TJP1: variants seen among roughly 807,000 people sequenced by gnomAD.
TJP1 encodes tight junction protein 1.
A neutral mutation model predicts 194.2 loss-of-function variants in TJP1; 43 were observed. The ratio of observed to expected loss-of-function variants is 0.22; its 90% CI spans 0.17 to 0.29. TJP1 has a LOEUF of 0.29. TJP1 is among the 10% of genes least tolerant of loss of function. The pLI, the probability that TJP1 is intolerant of heterozygous loss-of-function variation, is 1.00. For synonymous variants in TJP1, 801 were observed against 779.0 expected (o/e 1.03, Z -0.47); for missense variants, 1,971 against 2,185.7 (o/e 0.90, Z 1.96).
At chr15:29,777,221 T>A (rs1435180743) in intron 2 of TJP1, among the ~76,000 whole-genome samples, 2 of 152,206 alleles carry the variant, frequency 1.3e-5, no homozygotes, top group African/African-American at 4.8e-5. Context: ...AATTGTTCTT[T>A]TAATCTACGA....
At chr15:29,749,955 G>C (rs552460153) in intron 8 of TJP1, among the ~76,000 whole-genome samples, 32 of 151,736 alleles carry the variant, frequency 2.1e-4, no homozygotes, top group African/African-American at 7.7e-4. Context: ...TTATTCTCCT[G>C]TCTCAGCCTC....
intron 2 of TJP1, among the ~76,000 whole-genome samples, chr15:29,944,195 C>A (rs1361728036): frequency 2.6e-5 from 4 of 151,926 alleles, no homozygotes; most frequent in East Asian, 3.9e-4. Context: ...CGGGTTCATG[C>A]CACTCTCCTG....
At chr15:29,841,914 C>T (rs569866915) in intron 2 of TJP1, among the ~76,000 whole-genome samples, 9 of 152,208 alleles carry the variant, frequency 5.9e-5, no homozygotes, top group Admixed American at 2.0e-4. Context: ...ATAACTGGGG[C>T]TTTTTAAAGC....
intron 8 of TJP1, among the ~76,000 whole-genome samples, chr15:29,744,036 C>A (rs575098462): frequency 6.6e-6 from 1 of 151,832 alleles, no homozygotes; most frequent in African/African-American, 2.4e-5. Flanking sequence ...AAAATTAGCC[C>A]GGCGTGGTGG....
intron 10 of TJP1, among the ~76,000 whole-genome samples, chr15:29,739,277 T>C (rs2151317383): frequency 6.6e-6 from 1 of 152,298 alleles, no homozygotes; most frequent in East Asian, 1.9e-4. Context: ...CTGCCTGCAT[T>C]ATATTAACTA....
chr15:29,707,561 G>A (rs1480969053), intron 25 of TJP1, among the ~76,000 whole-genome samples: 1 of 152,120 alleles, frequency 6.6e-6, no homozygotes, highest in Non-Finnish European at 1.5e-5. Flanking sequence ...CTCCCTGCCT[G>A]CAAGTGCTTC....
At chr15:29,760,432 G>A (rs2045928713) in intron 8 of TJP1, 2 of 577,222 alleles carry the variant, frequency 3.5e-6, no homozygotes, top group East Asian at 3.0e-5. Flanking sequence ...CTGGAGTGCA[G>A]TGGTGCGATC....
intron 10 of TJP1, among the ~76,000 whole-genome samples, chr15:29,739,419 T>C (rs2044246805): frequency 1.3e-5 from 2 of 152,174 alleles, no homozygotes; most frequent in South Asian, 4.1e-4. Flanking sequence ...GTATTTGTTC[T>C]CCCAGGGAAG....
In TJP1 at chr15:29,719,762, C is replaced by G. The variant is rs936583068; in HGVS notation, c.3003+15G>C. On this transcript the variant is annotated intron_variant, in intron 20 of 27. Coordinates refer to ENST00000614355, the MANE Select transcript of TJP1 (RefSeq NM_001330239.4). ...TGGACAGCAACAAATTAGTGCAACA[C>G]CGCAGCACAGGTACCTTTGTTGGAT... The G allele has an allele frequency of 6.2e-6, 10 of 1,608,294 alleles. 1 individual carries two copies. In the South Asian group the frequency reaches 1.1e-4, roughly 18 times the overall value.
intron 2 of TJP1, among the ~76,000 whole-genome samples, chr15:29,858,495 A>C (rs1424754691): frequency 6.6e-6 from 1 of 152,206 alleles, no homozygotes; most frequent in Non-Finnish European, 1.5e-5. Context: ...GCACTGTTTA[A>C]GGCCATGTGG....
intron 2 of TJP1, among the ~76,000 whole-genome samples, chr15:29,863,962 C>G (rs536000736): frequency 8.0e-4 from 122 of 152,204 alleles, no homozygotes; most frequent in African/African-American, 2.9e-3. Flanking sequence ...TTCCAATTCT[C>G]TAGGAAGCAA....
In TJP1 at chr15:29,742,857, A is replaced by G. The variant is rs561271381; in HGVS notation, c.1011-76T>C. The G allele has an allele frequency of 2.0e-5, 26 of 1,313,752 alleles. No individual in the cohort carries two copies. In the African/African-American group the frequency reaches 2.5e-4, roughly 13 times the overall value. The allele number at this position is 1,313,752 out of a possible 1,614,324, so 81.4% of individuals were successfully genotyped here. ...GCATCTGTAAGAGAACAGTATAAGA[A>G]GAGGCAATGCAACTTCAAAAACAAT... On this transcript the variant is annotated intron_variant, in intron 8 of 27. Transcript: ENST00000614355.
intron 2 of TJP1, among the ~76,000 whole-genome samples, chr15:29,884,805 G>A (rs1247300162): frequency 6.6e-6 from 1 of 152,180 alleles, no homozygotes; most frequent in African/African-American, 2.4e-5. Context: ...CACCACAGGA[G>A]CAGGTTAACT....
intron 2 of TJP1, among the ~76,000 whole-genome samples, chr15:29,832,762 C>G (rs906383060): frequency 6.6e-6 from 1 of 152,196 alleles, no homozygotes; most frequent in African/African-American, 2.4e-5. Flanking sequence ...CTATGTAGAA[C>G]TTTTTTTCCT....
At chr15:29,868,752 C>T (rs1272982221) in intron 2 of TJP1, among the ~76,000 whole-genome samples, 2 of 152,086 alleles carry the variant, frequency 1.3e-5, no homozygotes, top group Admixed American at 6.5e-5. Context: ...GTTCTGGGGA[C>T]ATAAGAGAAA....
intron 2 of TJP1, among the ~76,000 whole-genome samples, chr15:29,796,578 G>A (rs1017436364): frequency 6.6e-6 from 1 of 152,190 alleles, no homozygotes; most frequent in Admixed American, 6.5e-5. Flanking sequence ...TTGTTAAAAT[G>A]TTAATTATCC....
chr15:29,823,055 AG>A (rs1221637920), upstream of TJP1: 30 of 152,578 alleles, frequency 2.0e-4, no homozygotes, highest in African/African-American at 6.5e-4. Context: ...GGGCACCCGG[AG>A]GCAGCAGCCT....
At chr15:29,855,493 G>C (rs184124778) in intron 2 of TJP1, among the ~76,000 whole-genome samples, 19 of 152,166 alleles carry the variant, frequency 1.2e-4, no homozygotes, top group African/African-American at 4.1e-4. Flanking sequence ...AAAATAGCAC[G>C]TGTAGCTCCA....
rs565683119 is a variant in TJP1, at chr15:29,700,453, TA to T, written c.*1141del. 1.1e-4 allele frequency: 45 copies of T among 398,398 alleles called. No homozygotes were observed. Among genetic ancestry groups the T allele is most frequent in the African/African-American group, 2.7e-4 (13 of 48,540 alleles). 24.7% of individuals were successfully genotyped at this position (398,398 alleles called of 1,614,324 possible). A position where few individuals can be genotyped will look rare whatever the true frequency, so the allele number is the denominator to read the frequency against. Reference sequence around the variant, plus strand: ...TAACAACTCTGTGCATCCTTTTTCTTAAAAAAAATGACCTTGCATGTGTCAT... The same window carrying T: ...TAACAACTCTGTGCATCCTTTTTCTTAAAAAAATGACCTTGCATGTGTCAT... On this transcript the variant is annotated 3_prime_UTR_variant, in exon 28 of 28. Coordinates refer to ENST00000614355, the MANE Select transcript of TJP1 (RefSeq NM_001330239.4).
Sources: allele counts gnomAD v4.1 joint callset (sites outside exome capture counted in the v4.1 genomes callset), GRCh38; gene constraint gnomAD v4.1.1; transcripts MANE v1.5; gene names NCBI Gene and HGNC (gene_info 2026-07-23, HGNC 2026-07-21).